Variants in COL4A1 observed in about 807,000 individuals in gnomAD.
The protein encoded by COL4A1 is collagen alpha-1(IV) chain.
A neutral mutation model predicts 216.6 loss-of-function variants in COL4A1; 40 were observed. That is an observed-to-expected ratio of 0.18 (90% CI 0.14 to 0.24). COL4A1 has a LOEUF of 0.24. Among genes scored for constraint, COL4A1 ranks in the 10% least tolerant of loss-of-function variants. The pLI is 1.00. For synonymous variants in COL4A1, 839 were observed against 810.7 expected, an observed-to-expected ratio of 1.03 and a Z score of -0.59; for missense variants, 1,628 against 2,196.8, an observed-to-expected ratio of 0.74 and a Z score of 5.18.
chr13:110,161,156 C>T (rs775292782), intron 49 of COL4A1, 36 bp downstream of exon 49: 5 of 1,607,476 alleles, frequency 3.1e-6, no homozygotes, highest in Non-Finnish European at 4.3e-6. Context: ...TTTTCCTCTT[C>T]AATTTTGCAT....
chr13:110,200,756 T>C, intron 20 of COL4A1, 98 bp downstream of exon 20: 1 of 1,281,830 alleles, frequency 7.8e-7, no homozygotes, highest in Non-Finnish European at 1.1e-6. Context: ...ACCGATTGTG[T>C]GCAAATATCT....
chr13:110,164,234 C>G (rs1377952841), intron 46 of COL4A1, among the ~76,000 whole-genome samples: 1 of 151,998 alleles, frequency 6.6e-6, no homozygotes, highest in Non-Finnish European at 1.5e-5. Context: ...CTCAAGTGAT[C>G]CTCCCACCTC....
rs767698381 is a variant in COL4A1, at chr13:110,176,997, G to T, written c.2757C>A (p.Asp919Glu). The change falls in exon 34 of 52, where the codon GAC becomes GAA. Residue 919 changes from aspartate to glutamate, a missense_variant. Transcript: ENST00000375820. The stretch of plus-strand genomic sequence containing the variant: ...CCCCCTTATCACCTTTCAAGCCAGG[G>T]TCTCCCCTGGGTCCTGAGGAGCCCG... ...GFPGSSGPRG[D>E]PGLKGDKGDV... 6 of 1,614,080 alleles carry T rather than the reference G, an allele frequency of 3.7e-6. No homozygotes were observed. The highest frequency in any genetic ancestry group is 2.2e-5 in the South Asian group (2 of 91,082).
rs573181641 is a variant in COL4A1 at position 110,296,539 on chromosome 13, T to C, written c.84+10405A>G. On this transcript the variant is annotated intron_variant, in intron 1 of 51. Transcript: ENST00000375820. ...AAGATACAAAGAGGCACAACAGTTT[T>C]TCCTCTGCTCTCACAACAAGCTTCT... 6.6e-5 allele frequency among the ~76,000 whole-genome samples: 10 copies of C among 152,336 alleles called. No individual in the cohort carries two copies. The South Asian group carries it at 2.1e-3, about 32-fold the overall frequency.
At chr13:110,191,870 G>C (rs990639946) in intron 24 of COL4A1, among the ~76,000 whole-genome samples, 1 of 152,206 alleles carries the variant, frequency 6.6e-6, no homozygotes, top group Non-Finnish European at 1.5e-5. Context: ...GTGGCTGTGT[G>C]GGGGTGGCTC....
chr13:110,219,670 A>ATATATG (rs1465986096), intron 2 of COL4A1, among the ~76,000 whole-genome samples: 1 of 72,610 alleles, frequency 1.4e-5, no homozygotes, highest in African/African-American at 4.5e-5. Context: ...ATGTATATAT[A>ATATATG]TATATATGTG....
intron 1 of COL4A1, among the ~76,000 whole-genome samples, chr13:110,263,379 C>A (rs936223698): frequency 1.3e-5 from 2 of 152,220 alleles, no homozygotes; most frequent in African/African-American, 4.8e-5. Context: ...CTAAGATAAA[C>A]TGAGCCCCAC....
chr13:110,296,068 C>T (rs1210951618), intron 1 of COL4A1, among the ~76,000 whole-genome samples: 1 of 152,256 alleles, frequency 6.6e-6, no homozygotes. Context: ...CCATTTTGCA[C>T]TCTGCCCTAT....
rs1166047992 is a variant in COL4A1 at position 110,242,708 on chromosome 13, G to T, written c.111C>A (p.Gly37=). Residue 37 remains glycine, a synonymous_variant, in exon 2 of 52, where the codon GGC becomes GGA. Coordinates refer to ENST00000375820, the MANE Select transcript of COL4A1 (RefSeq NM_001845.6). ...AKGGCAGSGC[G]KCDCHGVKGQ... is the part of the protein sequence containing the mutation. The stretch of plus-strand genomic sequence containing the variant: ...CCTTCACTCCATGGCAGTCACATTT[G>T]CCACAGCCAGAGCCAGCACAGCCAC... 2.5e-6 allele frequency: 4 copies of T among 1,614,090 alleles called. No individual in the cohort carries two copies. In the African/African-American group the frequency reaches 5.3e-5, roughly 22 times the overall value.
chr13:110,195,292 C>G (rs1354356512), intron 21 of COL4A1, among the ~76,000 whole-genome samples, 174 bp from the exon 22 acceptor site: 1 of 152,194 alleles, frequency 6.6e-6, no homozygotes, highest in East Asian at 1.9e-4. Context: ...AACATAATCA[C>G]CACACACCAC....
At chr13:110,233,238 C>T (rs577721104) in intron 2 of COL4A1, among the ~76,000 whole-genome samples, 2 of 152,284 alleles carry the variant, frequency 1.3e-5, no homozygotes, top group African/African-American at 4.8e-5. Flanking sequence ...CACATGGATT[C>T]TCACGATTCC....
chr13:110,260,965 A>C (rs1291806506), intron 1 of COL4A1, among the ~76,000 whole-genome samples: 1 of 128,480 alleles, frequency 7.8e-6, no homozygotes, highest in Admixed American at 9.9e-5. Flanking sequence ...TGAACCCGAG[A>C]AGTGGAGCTT....
chr13:110,297,932 AAAAG>A (rs982020337), intron 1 of COL4A1, among the ~76,000 whole-genome samples: 3 of 152,222 alleles, frequency 2.0e-5, no homozygotes, highest in Non-Finnish European at 4.4e-5. Flanking sequence ...GTAAAAAAAA[AAAAG>A]AGAGAGAGAA....
intron 2 of COL4A1, among the ~76,000 whole-genome samples, chr13:110,232,791 C>T (rs1420477705): frequency 6.6e-6 from 1 of 152,004 alleles, no homozygotes. Flanking sequence ...AACTTGGAAA[C>T]AGAATCGGCT....
chr13:110,149,109 C>A lies in COL4A1; in HGVS notation c.*1254G>T, dbSNP rs577157939. On this transcript the variant is annotated 3_prime_UTR_variant, in exon 52 of 52. Coordinates refer to ENST00000375820, the MANE Select transcript of COL4A1 (RefSeq NM_001845.6). ...CAAATTTGAATTCTTAAGAAATACA[C>A]ATTTAAAGAAATTACATAAAAGGCC... 1.3e-5 allele frequency: 2 copies of A among 154,868 alleles called. No individual in the cohort carries two copies. The highest frequency in any genetic ancestry group is 1.3e-4 in the Admixed American group (2 of 15,306). The allele number at this position is 154,868 out of a possible 1,614,324, so 9.6% of individuals were successfully genotyped here.
rs975810492 is a variant in COL4A1 at position 110,207,971 on chromosome 13, T to C, written c.694-482A>G. Among the ~76,000 whole-genome samples, 1 of 152,206 alleles carries C rather than the reference T, an allele frequency of 6.6e-6. No individual in the cohort carries two copies. Among genetic ancestry groups the C allele is most frequent in the Non-Finnish European group, 1.5e-5 (1 of 68,034 alleles). On this transcript the variant is annotated intron_variant, in intron 12 of 51. Transcript: ENST00000375820. This position sits in a 1 kb window ranked among gnomAD's most constrained non-coding sequence, Gnocchi z 4.4. ...CTGCATACATTTCAGAGTCACTATA[T>C]TTCAAAGTTTATGAAAAGACTGGGC...
intron 42 of COL4A1, among the ~76,000 whole-genome samples, chr13:110,170,208 C>G (rs1052464772): frequency 2.0e-5 from 3 of 152,026 alleles, no homozygotes; most frequent in Non-Finnish European, 2.9e-5. Context: ...CAGTGGTGCC[C>G]GGGCATCTGT....
Position 110,150,419 on chromosome 13 carries a change from C to T in COL4A1, c.4954G>A (p.Ala1652Thr). The T allele has an allele frequency of 6.2e-7, 1 of 1,614,118 alleles. No individual in the cohort carries two copies. The highest frequency in any genetic ancestry group is 8.5e-7 in the Non-Finnish European group (1 of 1,180,020). The change falls in exon 52 of 52, where the codon GCA becomes ACA. Residue 1652 changes from alanine to threonine, a missense_variant. Ala to Thr is a moderately conservative substitution (Grantham distance 58). Coordinates refer to ENST00000375820, the MANE Select transcript of COL4A1 (RefSeq NM_001845.6). ...CTGACGTGCGTGCGCAGCTCCCCTG[C>T]CTTCAAGGTGGACGGCGTAGGCTTC... is the stretch of plus-strand genomic sequence containing the variant. Reference protein sequence around the residue: ...FKKPTPSTLKAGELRTHVSRC... With the variant: ...FKKPTPSTLKTGELRTHVSRC...
At chr13:110,280,108 C>T (rs1300469063) in intron 1 of COL4A1, among the ~76,000 whole-genome samples, 1 of 152,158 alleles carries the variant, frequency 6.6e-6, no homozygotes, top group African/African-American at 2.4e-5. Context: ...TTTCTAAATC[C>T]ATTACCAAAT....
Sources: gnomAD v4.1 joint callset for allele counts (sites outside exome capture counted in the v4.1 genomes callset) on GRCh38, gnomAD v4.1.1 for gene constraint, Gnocchi (gnomAD v3.1) non-coding constraint, MANE v1.5 for transcripts, NCBI Gene and HGNC (gene_info 2026-07-23, HGNC 2026-07-21) for gene names.